NSRP1: variants seen among roughly 807,000 people sequenced by gnomAD.
NSRP1 encodes the protein nuclear speckle splicing regulatory protein 1, also known as coiled-coil domain containing 55.
Under a neutral mutation model 54.7 loss-of-function variants are expected in NSRP1, and 24 were observed. The observed-to-expected ratio is 0.44, with a 90% CI of 0.32 to 0.62. NSRP1 has a LOEUF of 0.62. Among genes scored for constraint, NSRP1 ranks in the 20% least tolerant of loss-of-function variants. The probability of loss-of-function intolerance (pLI) is 0.06; values close to 1 mark genes in which losing one functional copy is unlikely to be tolerated. For synonymous variants in NSRP1, 210 were observed against 213.8 expected (o/e 0.98, Z 0.15); for missense variants, 596 against 651.2 (o/e 0.92, Z 0.92).
chr17:30,142,595 G>A (rs1427873277), intron 2 of NSRP1, among the ~76,000 whole-genome samples: 2 of 152,136 alleles, frequency 1.3e-5, no homozygotes, highest in East Asian at 3.8e-4. Context: ...GTCTCCCAAA[G>A]TGCTGGGACC....
intron 2 of NSRP1, chr17:30,144,670 T>C (rs1047321365): frequency 3.9e-5 from 6 of 152,228 alleles, no homozygotes; most frequent in Admixed American, 6.5e-5. Context: ...TATATAGATA[T>C]ATCTGTCTTT....
intron 2 of NSRP1, among the ~76,000 whole-genome samples, chr17:30,157,884 T>C (rs755800879): frequency 1.1e-4 from 17 of 152,186 alleles, no homozygotes; most frequent in Admixed American, 2.0e-4. Flanking sequence ...ACACACTTTA[T>C]CCGTTTATCT....
intron 2 of NSRP1, among the ~76,000 whole-genome samples, chr17:30,169,968 A>G (rs1904868315): frequency 6.6e-6 from 1 of 152,006 alleles, no homozygotes; most frequent in African/African-American, 2.4e-5. Flanking sequence ...AAACTTACAC[A>G]TATGTTTTTA....
rs1201202326 is a variant in NSRP1 at position 30,182,618 on chromosome 17, G to A, written c.617+1602G>A. Among the ~76,000 whole-genome samples the A allele has an allele frequency of 2.0e-5, 3 of 151,854 alleles. No individual in the cohort carries two copies. The East Asian group carries it at 5.8e-4, about 29-fold the overall frequency. On this transcript the variant is annotated intron_variant, in intron 6 of 6. Coordinates refer to ENST00000247026, the MANE Select transcript of NSRP1 (RefSeq NM_032141.4). ...GATAGCGCCACTGCACTCCAACCTG[G>A]CGACAGAGCCAGACTCCATCTCAAA...
rs1250276467 is a variant in NSRP1 at position 30,178,124 on chromosome 17, T to C, written c.225T>C (p.Tyr75=). 3.7e-6 allele frequency: 6 copies of C among 1,610,032 alleles called. No individual in the cohort carries two copies. In the East Asian group the frequency reaches 1.1e-4, roughly 30 times the overall value. The part of the protein sequence containing the change: ...ALAEDATVYE[Y]DSIYDEMQKK... ...CAGAAGATGCTACTGTGTATGAATA[T>C]GACAGTATTTATGATGAAATGCAGA... Residue 75 remains tyrosine, a synonymous_variant, in exon 4 of 7, where the codon TAT becomes TAC. Coordinates refer to ENST00000247026, the MANE Select transcript of NSRP1 (RefSeq NM_032141.4).
intron 2 of NSRP1, among the ~76,000 whole-genome samples, chr17:30,157,836 CATT>C (rs1597611414): frequency 6.6e-6 from 1 of 152,152 alleles, no homozygotes; most frequent in East Asian, 1.9e-4. Context: ...CTGCAAATGA[CATT>C]ATTTCATTAT....
At chr17:30,175,735 C>T (rs183795745) in intron 3 of NSRP1, among the ~76,000 whole-genome samples, 37 of 152,298 alleles carry the variant, frequency 2.4e-4, no homozygotes, top group Middle Eastern at 3.4e-3. Context: ...TTCCAAGACA[C>T]TGCACTGTAT....
chr17:30,163,235 GTGTGTGTGTGTGTT>G (rs1390392634), intron 2 of NSRP1: 129 of 98,108 alleles, frequency 1.3e-3, no homozygotes, highest in African/African-American at 4.0e-3. Flanking sequence ...GTGTGTGTGT[GTGTGTGTGTGTGTT>G]TTTAGTAGAG....
chr17:30,119,444 C>A (rs560238009), intron 2 of NSRP1, among the ~76,000 whole-genome samples: 2 of 152,148 alleles, frequency 1.3e-5, no homozygotes, highest in Non-Finnish European at 2.9e-5. Flanking sequence ...AACCTAACCT[C>A]AGGTGATCCA....
intron 6 of NSRP1, 133 bp downstream of exon 6, chr17:30,181,149 T>G: frequency 3.2e-6 from 2 of 634,284 alleles, no homozygotes; most frequent in Non-Finnish European, 5.6e-6. Context: ...CTTACCTAAC[T>G]GAATGAATGG....
In NSRP1 at chr17:30,121,499, T is replaced by C. The variant is rs376691584; in HGVS notation, c.114+3326T>C. Among the ~76,000 whole-genome samples the C allele has an allele frequency of 1.1e-4, 17 of 150,464 alleles. No homozygotes were observed. In the East Asian group the frequency reaches 1.4e-3, roughly 12 times the overall value. The stretch of plus-strand genomic sequence containing the variant: ...ATCATTTTCCCTCATTAAAAAAATA[T>C]ATAATTCACACACTGTATACTTTAC... On this transcript the variant is annotated intron_variant, in intron 2 of 6. Coordinates refer to ENST00000247026, the MANE Select transcript of NSRP1 (RefSeq NM_032141.4).
At chr17:30,174,904 T>C (rs1905076406) in intron 3 of NSRP1, among the ~76,000 whole-genome samples, 1 of 152,202 alleles carries the variant, frequency 6.6e-6, no homozygotes, top group African/African-American at 2.4e-5. Context: ...GTATTGAAGA[T>C]TTTTGCATCA....
intron 2 of NSRP1, among the ~76,000 whole-genome samples, chr17:30,121,511 A>G (rs1460844514): frequency 6.9e-6 from 1 of 145,888 alleles, no homozygotes; most frequent in African/African-American, 2.5e-5. Flanking sequence ...TAATTCACAC[A>G]CTGTATACTT....
At chr17:30,137,950 A>G (rs1282708476) in intron 2 of NSRP1, among the ~76,000 whole-genome samples, 3 of 152,180 alleles carry the variant, frequency 2.0e-5, no homozygotes, top group African/African-American at 4.8e-5. Flanking sequence ...ACCATGGTCT[A>G]TTTTGAGAAC....
chr17:30,171,975 C>CT (rs1491360228), intron 2 of NSRP1, among the ~76,000 whole-genome samples: 90 of 114,572 alleles, frequency 7.9e-4, no homozygotes, highest in African/African-American at 1.2e-3. Flanking sequence ...CACACACACT[C>CT]CCTCTCTCTC....
In NSRP1 at chr17:30,185,441, A is replaced by G. The variant is rs1905495874; in HGVS notation, c.1444A>G (p.Lys482Glu). The change falls in exon 7 of 7, where the codon AAA becomes GAA. Residue 482 changes from lysine to glutamate, a missense_variant. By Grantham distance (56) the Lys-to-Glu change is moderately conservative. Coordinates refer to ENST00000247026, the MANE Select transcript of NSRP1 (RefSeq NM_032141.4). ...CAAAATGAGAAACATGGCAAAGGAC[A>G]AAGAAAGAAACCAAGAGAAACCCTC... Reference protein sequence around the residue: ...SNKMRNMAKDKERNQEKPSNS... With the variant: ...SNKMRNMAKDEERNQEKPSNS... 1 of 1,608,940 alleles carries G rather than the reference A, an allele frequency of 6.2e-7. No individual in the cohort carries two copies. The highest frequency in any genetic ancestry group is 8.5e-7 in the Non-Finnish European group (1 of 1,178,798).
intron 2 of NSRP1, among the ~76,000 whole-genome samples, chr17:30,163,679 C>CTTTTTT (rs370423700): frequency 6.6e-5 from 6 of 90,878 alleles, no homozygotes; most frequent in Admixed American, 1.3e-4. Context: ...ACTTTGACCA[C>CTTTTTT]TTTTTTTTTT....
rs577867338 is a variant in NSRP1, at chr17:30,136,105, C to T, written c.114+17932C>T. Among the ~76,000 whole-genome samples, 265 of 151,988 alleles carry T rather than the reference C, an allele frequency of 1.7e-3. 10 individuals are homozygous for T. In the South Asian group the frequency reaches 0.045, roughly 26 times the overall value. ...GTGCACATCTGTAGTCCCAGCTACT[C>T]GGGAGGCTGAGGCAGGAGAATTGCT... On this transcript the variant is annotated intron_variant, in intron 2 of 6. Coordinates refer to ENST00000247026, the MANE Select transcript of NSRP1 (RefSeq NM_032141.4).
chr17:30,129,409 T>G (rs544974089), intron 2 of NSRP1, among the ~76,000 whole-genome samples: 1 of 151,174 alleles, frequency 6.6e-6, no homozygotes, highest in South Asian at 2.1e-4. Flanking sequence ...TACAAGGAAG[T>G]GAGTGCTTAA....
Sources: gnomAD v4.1 joint callset for allele counts (sites outside exome capture counted in the v4.1 genomes callset) on GRCh38, gnomAD v4.1.1 for gene constraint, MANE v1.5 for transcripts, NCBI Gene and HGNC (gene_info 2026-07-23, HGNC 2026-07-21) for gene names.